SORCS3: variants seen among roughly 807,000 people sequenced by gnomAD.
SORCS3 encodes the protein VPS10 domain-containing receptor SorCS3.
SORCS3 carries 57 observed loss-of-function variants against 146.3 expected under a neutral mutation model. The observed-to-expected ratio is 0.39, with a 90% CI of 0.31 to 0.49. The LOEUF is 0.49. Among genes scored for constraint, SORCS3 ranks in the 20% least tolerant of loss-of-function variants. The pLI is 0.92. For missense variants in SORCS3, 1,341 were observed against 1,575.5 expected (o/e 0.85, Z 2.52); for synonymous variants, 653 against 618.5 (o/e 1.06, Z -0.83).
intron 1 of SORCS3, among the ~76,000 whole-genome samples, chr10:104,815,296 C>G (rs2017784120): frequency 6.6e-6 from 1 of 151,788 alleles, no homozygotes; most frequent in Non-Finnish European, 1.5e-5. Flanking sequence ...CCTGTCTCTA[C>G]TGAAAATACA....
intron 1 of SORCS3, among the ~76,000 whole-genome samples, chr10:104,727,077 C>A (rs1299980438): frequency 1.3e-5 from 2 of 152,192 alleles, no homozygotes; most frequent in African/African-American, 4.8e-5. Context: ...GTCTCCCAAT[C>A]TGAACTGTAA....
chr10:105,102,634 AT>A (rs1309931878), intron 6 of SORCS3, among the ~76,000 whole-genome samples: 3 of 152,072 alleles, frequency 2.0e-5, no homozygotes, highest in African/African-American at 4.8e-5. Context: ...ACAACATGCA[AT>A]TTGCCTATGC....
intron 1 of SORCS3, among the ~76,000 whole-genome samples, chr10:104,822,884 A>G (rs1046488217): frequency 6.6e-6 from 1 of 152,196 alleles, no homozygotes; most frequent in African/African-American, 2.4e-5. Flanking sequence ...CCCACCATAT[A>G]AATGAGGTGG....
intron 2 of SORCS3, among the ~76,000 whole-genome samples, chr10:104,852,629 A>G (rs2018285159): frequency 6.6e-6 from 1 of 152,172 alleles, no homozygotes; most frequent in African/African-American, 2.4e-5. Flanking sequence ...CTTTGCTTCT[A>G]AAATGTCATT....
chr10:105,164,402 A>C, intron 12 of SORCS3, 23 bp downstream of exon 12: 1 of 1,523,176 alleles, frequency 6.6e-7, no homozygotes, highest in Non-Finnish European at 9.1e-7. Context: ...ATTGACAAAA[A>C]GGGAGGAGGC....
chr10:105,000,296 G>A (rs1191793302), intron 4 of SORCS3, among the ~76,000 whole-genome samples: 3 of 151,752 alleles, frequency 2.0e-5, no homozygotes, highest in South Asian at 2.1e-4. Context: ...TTAATCCCAA[G>A]CCTCATGGTA....
chr10:105,130,782 A>C (rs1411614402), intron 7 of SORCS3, among the ~76,000 whole-genome samples: 1 of 152,196 alleles, frequency 6.6e-6, no homozygotes, highest in Non-Finnish European at 1.5e-5. Context: ...ATAAAACTGC[A>C]TCAATATTGC....
chr10:104,703,660 T>A (rs1378141824), intron 1 of SORCS3, among the ~76,000 whole-genome samples: 3 of 150,106 alleles, frequency 2.0e-5, no homozygotes, highest in Non-Finnish European at 2.9e-5. Context: ...CAAACCACCA[T>A]GTCACACGTA....
intron 1 of SORCS3, among the ~76,000 whole-genome samples, chr10:104,758,597 C>G (rs1219703902): frequency 6.6e-6 from 1 of 152,094 alleles, no homozygotes; most frequent in African/African-American, 2.4e-5. Flanking sequence ...GGCCTTTGAA[C>G]ATTCTAGCTT....
At chr10:105,137,026 C>A (rs1044038182) in intron 7 of SORCS3, among the ~76,000 whole-genome samples, 3 of 152,134 alleles carry the variant, frequency 2.0e-5, no homozygotes, top group Admixed American at 6.5e-5. Context: ...ATCACGCTGT[C>A]AAAGGGACCA....
intron 9 of SORCS3, among the ~76,000 whole-genome samples, chr10:105,152,557 A>G (rs1325346613): frequency 6.6e-6 from 1 of 152,066 alleles, no homozygotes; most frequent in Admixed American, 6.5e-5. Context: ...TCATAAATTT[A>G]CAGTAAAAAA....
chr10:104,779,762 C>T (rs1268941472), intron 1 of SORCS3, among the ~76,000 whole-genome samples: 3 of 152,142 alleles, frequency 2.0e-5, no homozygotes, highest in African/African-American at 7.2e-5. Context: ...GCCTGTACCT[C>T]CCGGTGACTA....
intron 3 of SORCS3, among the ~76,000 whole-genome samples, chr10:104,952,713 T>A (rs537662571): frequency 1.3e-5 from 2 of 152,308 alleles, no homozygotes; most frequent in South Asian, 2.1e-4. Flanking sequence ...CCTAAATGCA[T>A]GCACACACAG....
intron 1 of SORCS3, among the ~76,000 whole-genome samples, chr10:104,762,065 C>G (rs1470057774): frequency 6.6e-6 from 1 of 152,230 alleles, no homozygotes; most frequent in Non-Finnish European, 1.5e-5. Flanking sequence ...AGTCCCCTCA[C>G]TGTTCCCACC....
intron 3 of SORCS3, among the ~76,000 whole-genome samples, chr10:104,952,537 T>C (rs559970799): frequency 9.2e-5 from 14 of 152,204 alleles, no homozygotes; most frequent in Non-Finnish European, 1.5e-4. Flanking sequence ...AGTCTTATAT[T>C]GGCTTTTCTT....
chr10:104,721,653 T>G (rs11192168), intron 1 of SORCS3, among the ~76,000 whole-genome samples: 30,119 of 152,124 alleles, frequency 0.2, 3,264 homozygotes, highest in Non-Finnish European at 0.25. Context: ...TTTATTTTAT[T>G]GAGCAGTGGT....
intron 3 of SORCS3, among the ~76,000 whole-genome samples, chr10:104,954,861 T>A (rs1002472254): frequency 6.6e-6 from 1 of 152,168 alleles, no homozygotes; most frequent in Admixed American, 6.5e-5. Context: ...AGTTTTGTAC[T>A]TACTGCTATT....
intron 21 of SORCS3, among the ~76,000 whole-genome samples, chr10:105,246,970 A>T (rs1246557872): frequency 6.6e-6 from 1 of 152,236 alleles, no homozygotes; most frequent in Non-Finnish European, 1.5e-5. Flanking sequence ...TTCAGATAAT[A>T]TACAGGAAGA....
intron 1 of SORCS3, among the ~76,000 whole-genome samples, chr10:104,699,661 G>C (rs2016257292): frequency 6.6e-6 from 1 of 152,148 alleles, no homozygotes; most frequent in African/African-American, 2.4e-5. Flanking sequence ...GAAGAGCCGG[G>C]TCCTTGTGGG....
Sources: allele counts gnomAD v4.1 joint callset (sites outside exome capture counted in the v4.1 genomes callset), GRCh38; gene constraint gnomAD v4.1.1; transcripts MANE v1.5; gene names NCBI Gene and HGNC (gene_info 2026-07-23, HGNC 2026-07-21).